Variants in CD8B2 observed in about 807,000 individuals in gnomAD.
The protein encoded by CD8B2 is CD8B family member 2.
CD8B2 carries 11 observed loss-of-function variants against 23.7 expected under a neutral mutation model. That is an observed-to-expected ratio of 0.46 (90% CI 0.29 to 0.77). CD8B2 has a LOEUF of 0.77. Among genes scored for constraint, CD8B2 ranks in the 30% least tolerant of loss-of-function variants. The probability of loss-of-function intolerance (pLI) is 0.09; values close to 1 mark genes in which losing one functional copy is unlikely to be tolerated. For synonymous variants in CD8B2, 90 were observed against 109.3 expected (o/e 0.82, Z 1.10); for missense variants, 197 against 270.5 (o/e 0.73, Z 1.91).
intron 5 of CD8B2, among the ~76,000 whole-genome samples, chr2:106,541,549 C>T (rs946349287): frequency 6.6e-6 from 1 of 152,152 alleles, no homozygotes; most frequent in South Asian, 2.1e-4. Flanking sequence ...TGGCCCAAAA[C>T]GTCAAAGGTA....
intron 2 of CD8B2, among the ~76,000 whole-genome samples, chr2:106,492,110 A>C (rs1204752385): frequency 6.6e-6 from 1 of 151,966 alleles, no homozygotes; most frequent in East Asian, 1.9e-4. Context: ...CGAAGTTAGT[A>C]AGGAGACTGA....
At chr2:106,526,263 A>C (rs1679905244) in intron 5 of CD8B2, among the ~76,000 whole-genome samples, 1 of 151,494 alleles carries the variant, frequency 6.6e-6, no homozygotes, top group African/African-American at 2.4e-5. Flanking sequence ...AAAAAAAATC[A>C]CTTTATGAAT....
chr2:106,498,533 G>A (rs182871958), intron 3 of CD8B2, among the ~76,000 whole-genome samples: 183 of 152,270 alleles, frequency 1.2e-3, no homozygotes, highest in Admixed American at 2.7e-3. Flanking sequence ...AGAATAACCC[G>A]GATGTGTGTG....
In CD8B2 at chr2:106,498,608, G is replaced by T. The variant is rs372673183; in HGVS notation, c.493+2346G>T. Reference sequence around the variant, plus strand: ...GAAAGTAGGTGGAGGTTACACTGAGGAGAGTGGCCCTGGGTCAGTGTAGCC... The same window carrying T: ...GAAAGTAGGTGGAGGTTACACTGAGTAGAGTGGCCCTGGGTCAGTGTAGCC... On this transcript the variant is annotated intron_variant, in intron 3 of 5. Coordinates refer to ENST00000643224, the MANE Select transcript of CD8B2 (RefSeq NM_001349727.2). 7.2e-3 allele frequency among the ~76,000 whole-genome samples: 1,098 copies of T among 152,190 alleles called. 11 individuals carry two copies. The highest frequency in any genetic ancestry group is 0.024 in the African/African-American group (1,015 of 41,498).
At chr2:106,535,082 A>G (rs1251281039) in intron 5 of CD8B2, 1 of 152,186 alleles carries the variant, frequency 6.6e-6, no homozygotes, top group East Asian at 1.9e-4. Context: ...TCAGCCTCCC[A>G]AAGTGCTGGG....
At chr2:106,498,515 G>T (rs1679341978) in intron 3 of CD8B2, among the ~76,000 whole-genome samples, 1 of 152,174 alleles carries the variant, frequency 6.6e-6, no homozygotes, top group South Asian at 2.1e-4. Context: ...AAGATTAATA[G>T]GTTGTTAAGA....
chr2:106,490,524 CAA>C (rs1679172500), intron 1 of CD8B2, among the ~76,000 whole-genome samples: 1 of 152,198 alleles, frequency 6.6e-6, no homozygotes, highest in South Asian at 2.1e-4. Flanking sequence ...GGCAACATAA[CAA>C]GACCCCATGT....
intron 5 of CD8B2, among the ~76,000 whole-genome samples, chr2:106,505,209 C>T (rs529706109): frequency 6.6e-6 from 1 of 152,326 alleles, no homozygotes; most frequent in East Asian, 1.9e-4. Flanking sequence ...GACTGTTTCA[C>T]ATCTGCCTAT....
chr2:106,521,690 A>C (rs1192918237), intron 5 of CD8B2: 3 of 152,278 alleles, frequency 2.0e-5, no homozygotes, highest in Non-Finnish European at 4.4e-5. Context: ...CAGCACTTTC[A>C]GTTCTGAAAC....
At chr2:106,531,423 AT>A (rs1679988173) in intron 5 of CD8B2, among the ~76,000 whole-genome samples, 1 of 152,078 alleles carries the variant, frequency 6.6e-6, no homozygotes, top group Non-Finnish European at 1.5e-5. Context: ...AGGTGCCTCT[AT>A]TTTTGTTGCA....
intron 2 of CD8B2, among the ~76,000 whole-genome samples, chr2:106,492,959 C>CT (rs1051198973): frequency 1.1e-4 from 16 of 152,254 alleles, no homozygotes; most frequent in African/African-American, 3.9e-4. Flanking sequence ...CACACCTTTC[C>CT]ACTCATGAGA....
chr2:106,497,607 T>G (rs1053508117), intron 3 of CD8B2, among the ~76,000 whole-genome samples: 17 of 152,188 alleles, frequency 1.1e-4, no homozygotes, highest in African/African-American at 3.4e-4. Flanking sequence ...TCAGTTTGCT[T>G]TGTCTTAAAT....
chr2:106,532,997 A>G (rs1201871997), intron 5 of CD8B2, among the ~76,000 whole-genome samples: 1 of 152,214 alleles, frequency 6.6e-6, no homozygotes, highest in Non-Finnish European at 1.5e-5. Flanking sequence ...ACCAGAGAAT[A>G]AGCTGCTGAA....
chr2:106,497,441 T>C (rs933038887), intron 3 of CD8B2, among the ~76,000 whole-genome samples: 6 of 152,136 alleles, frequency 3.9e-5, no homozygotes, highest in African/African-American at 1.4e-4. Flanking sequence ...CACATGCCCA[T>C]GCACACGCTT....
chr2:106,506,765 T>C (rs188021039), intron 5 of CD8B2, among the ~76,000 whole-genome samples, 163 bp from the exon 6 acceptor site: 2 of 152,156 alleles, frequency 1.3e-5, no homozygotes, highest in African/African-American at 4.8e-5. Context: ...ACAATCTTTT[T>C]AATGACTAAG....
downstream of CD8B2, chr2:106,511,111 A>C (rs565343657): frequency 6.6e-6 from 1 of 152,372 alleles, no homozygotes; most frequent in African/African-American, 2.4e-5. Flanking sequence ...TATAATAAGA[A>C]GTTGGAATCA....
At chr2:106,488,339 G>C (rs533933534) in intron 1 of CD8B2, among the ~76,000 whole-genome samples, 129 of 151,600 alleles carry the variant, frequency 8.5e-4, no homozygotes, top group African/African-American at 2.8e-3. Context: ...CTGGGTTACC[G>C]AGGGGAACAT....
rs554699239 is a variant in CD8B2, at chr2:106,523,625, C to G, written c.620+19300C>G. 4.6e-5 allele frequency among the ~76,000 whole-genome samples: 7 copies of G among 152,294 alleles called. No individual in the cohort carries two copies. The South Asian group carries it at 1.4e-3, about 32-fold the overall frequency. ...TTGAAAGTTGGTGTTACAAGAACAT[C>G]AGGAGTTTGGTCTAGGTCCTGTTGC... On this transcript the variant is annotated intron_variant, in intron 5 of 5. Coordinates refer to the CD8B2 transcript ENST00000416057.
chr2:106,514,262 G>A (rs2104564885), downstream of CD8B2, among the ~76,000 whole-genome samples: 1 of 150,214 alleles, frequency 6.7e-6, no homozygotes, highest in African/African-American at 2.5e-5. Flanking sequence ...CGATTTGGTG[G>A]GGTGGGTGCA....
Sources: allele counts gnomAD v4.1 joint callset (sites outside exome capture counted in the v4.1 genomes callset), GRCh38; gene constraint gnomAD v4.1.1; transcripts MANE v1.5; gene names NCBI Gene and HGNC (gene_info 2026-07-23, HGNC 2026-07-21).